Variants in CFAP221 observed in about 807,000 individuals in gnomAD.
The protein encoded by CFAP221 is cilia- and flagella-associated protein 221.
CFAP221 carries 97 observed loss-of-function variants against 113.1 expected under a neutral mutation model. The observed-to-expected ratio is 0.86, with a 90% CI of 0.73 to 1.02. The LOEUF is 1.02. Among genes scored for constraint, CFAP221 ranks in the 50% least tolerant of loss-of-function variants. The pLI is 0.00. For synonymous variants in CFAP221, 331 were observed against 354.4 expected, an observed-to-expected ratio of 0.93 and a Z score of 0.74; for missense variants, 1,025 against 1,013.4, an observed-to-expected ratio of 1.01 and a Z score of -0.16.
At chr2:119,659,648 CT>C (rs1688551952), downstream of CFAP221, among the ~76,000 whole-genome samples, 1 of 152,274 alleles carries the variant, frequency 6.6e-6, no homozygotes, top group Non-Finnish European at 1.5e-5. Context: ...ATGTGCTCCT[CT>C]GCATTCCTCC....
chr2:119,624,340 G>A (rs536905841), intron 14 of CFAP221, among the ~76,000 whole-genome samples: 2 of 152,340 alleles, frequency 1.3e-5, no homozygotes, highest in East Asian at 1.9e-4. Context: ...ACGCCAGTTA[G>A]AATGGCAATC....
intron 14 of CFAP221, among the ~76,000 whole-genome samples, chr2:119,618,848 C>T (rs778219899): frequency 1.1e-4 from 16 of 152,162 alleles, no homozygotes; most frequent in Non-Finnish European, 1.8e-4. Context: ...TTGAAATTCT[C>T]GCTGCCAGCA....
At chr2:119,557,518 G>T (rs982158065) in intron 3 of CFAP221, 2 of 152,222 alleles carry the variant, frequency 1.3e-5, no homozygotes, top group Admixed American at 6.5e-5. Flanking sequence ...GCACTCACCA[G>T]ATTGTCATAC....
intron 1 of CFAP221, 59 bp from the exon 2 acceptor site, chr2:119,546,026 A>G (rs1680027236): frequency 8.1e-6 from 10 of 1,235,114 alleles, no homozygotes; most frequent in Non-Finnish European, 9.8e-6. Flanking sequence ...TATCAAAGAA[A>G]GAGAAAAAAT....
rs1470011939 is a variant in CFAP221, at chr2:119,630,888, C to T, written c.1961C>T (p.Pro654Leu). The T allele has an allele frequency of 6.2e-7, 1 of 1,613,216 alleles. No homozygotes were observed. Among genetic ancestry groups the T allele is most frequent in the African/African-American group, 1.3e-5 (1 of 74,922 alleles). The change falls in exon 19 of 24, where the codon CCT becomes CTT. Residue 654 changes from proline to leucine, a missense_variant. By Grantham distance (98) the Pro-to-Leu change is moderately conservative. Transcript: ENST00000413369. ...EALAMSLDYD[P>L]LYVFNPNPGL... ...TTAGCCATGTCTCTAGATTATGATCCTCTGTATGTTTTTGTAAGTGACAAC... is the reference window on the plus strand; with the variant it reads ...TTAGCCATGTCTCTAGATTATGATCTTCTGTATGTTTTTGTAAGTGACAAC...
At chr2:119,583,140 G>A (rs1030663645) in intron 6 of CFAP221, among the ~76,000 whole-genome samples, 5 of 151,806 alleles carry the variant, frequency 3.3e-5, no homozygotes, top group East Asian at 3.9e-4. Context: ...AAATTTTAAC[G>A]AAAAGAAAAC....
intron 7 of CFAP221, among the ~76,000 whole-genome samples, chr2:119,598,476 C>G (rs1204975552): frequency 6.6e-6 from 1 of 152,166 alleles, no homozygotes; most frequent in Non-Finnish European, 1.5e-5. Flanking sequence ...TTTTCCTCTT[C>G]TCTTTGTCTC....
intron 23 of CFAP221, chr2:119,656,109 C>G: frequency 2.2e-6 from 1 of 455,278 alleles, no homozygotes; most frequent in Non-Finnish European, 4.0e-6. Flanking sequence ...CATCAGGAAA[C>G]AGGGGCTGTG....
At chr2:119,630,520 A>T in intron 17 of CFAP221, 50 bp from the exon 18 acceptor site, 1 of 1,428,758 alleles carries the variant, frequency 7.0e-7, no homozygotes, top group Non-Finnish European at 9.8e-7. Context: ...AGTAGATCCC[A>T]CCAAATGGTA....
At chr2:119,652,541 A>G (rs1039697263) in intron 23 of CFAP221, among the ~76,000 whole-genome samples, 1 of 152,242 alleles carries the variant, frequency 6.6e-6, no homozygotes, top group Admixed American at 6.5e-5. Context: ...CAGCCATGGA[A>G]GCACCTAACC....
Position 119,604,757 on chromosome 2 carries a change from C to T in CFAP221, c.877C>T (p.Arg293Ter), listed in dbSNP as rs752357355. 1.8e-5 allele frequency: 28 copies of T among 1,540,590 alleles called. No homozygotes were observed. The highest frequency in any genetic ancestry group is 5.1e-5 in the South Asian group (4 of 78,956). Residue 293 changes from arginine (R) to a stop codon, truncating the protein, a stop_gained, in exon 9 of 24, where the codon CGA becomes TGA. Coordinates refer to ENST00000413369, the MANE Select transcript of CFAP221 (RefSeq NM_001271049.2). LOFTEE classifies it high-confidence loss of function. The part of the protein sequence containing the change: ...EKAMMHINFH[R>*]PPAKPKPQKV... ...AGCAATGATGCATATAAATTTTCAC[C>T]GACCGCCAGCGAAGCCGAAGCCTCA... is the stretch of plus-strand genomic sequence containing the variant.
chr2:119,659,250 C>T (rs2104830811), downstream of CFAP221, among the ~76,000 whole-genome samples: 1 of 152,264 alleles, frequency 6.6e-6, no homozygotes, highest in East Asian at 1.9e-4. Flanking sequence ...GTATTGGTGT[C>T]CTTTTTACTT....
chr2:119,567,949 T>G (rs1681766224), intron 6 of CFAP221, among the ~76,000 whole-genome samples: 1 of 152,238 alleles, frequency 6.6e-6, no homozygotes, highest in Non-Finnish European at 1.5e-5. Flanking sequence ...TTATATTTCT[T>G]TGTTTCCTTT....
chr2:119,652,532 A>T (rs1007274783), intron 23 of CFAP221, among the ~76,000 whole-genome samples: 1 of 152,228 alleles, frequency 6.6e-6, no homozygotes. Context: ...ATGAGATGCC[A>T]GCCATGGAAG....
chr2:119,589,791 T>C (rs1006518057), intron 7 of CFAP221: 6 of 152,218 alleles, frequency 3.9e-5, no homozygotes, highest in Non-Finnish European at 7.3e-5. Context: ...CTGCTGTTGT[T>C]GGGGGCCAAG....
chr2:119,596,111 T>A (rs1181880586), intron 7 of CFAP221, among the ~76,000 whole-genome samples: 1 of 152,024 alleles, frequency 6.6e-6, no homozygotes, highest in Non-Finnish European at 1.5e-5. Flanking sequence ...GAGGGTGACA[T>A]GGCCTGATGC....
Position 119,647,011 on chromosome 2 carries a change from A to T in CFAP221, c.2279A>T (p.Asp760Val). 6.2e-7 allele frequency: 1 copy of T among 1,612,518 alleles called. No homozygotes were observed. Among genetic ancestry groups the T allele is most frequent in the African/African-American group, 1.3e-5 (1 of 74,574 alleles). ...CCGATAGACGTCCCTGCCATCCTTGATGCCTTACCAGAAGAGGACAGACTA... is the reference window on the plus strand; with the variant it reads ...CCGATAGACGTCCCTGCCATCCTTGTTGCCTTACCAGAAGAGGACAGACTA... ...MLPIDVPAIL[D>V]ALPEEDRLET... The change falls in exon 22 of 24, where the codon GAT becomes GTT. Residue 760 changes from aspartate to valine, a missense_variant. By Grantham distance (152) the Asp-to-Val change is radical (BLOSUM62 -3). Coordinates refer to ENST00000413369, the MANE Select transcript of CFAP221 (RefSeq NM_001271049.2).
At chr2:119,598,088 A>G (rs968585891) in intron 7 of CFAP221, among the ~76,000 whole-genome samples, 3 of 152,274 alleles carry the variant, frequency 2.0e-5, no homozygotes, top group Admixed American at 1.3e-4. Flanking sequence ...CTCTATGACA[A>G]TTTAGGGAGA....
rs556792314 is a variant in CFAP221, at chr2:119,572,538, G to A, written c.527+10424G>A. The A allele has an allele frequency of 5.3e-4, 371 of 701,324 alleles. 4 individuals are homozygous for A. The South Asian group carries it at 5.4e-3, about 10-fold the overall frequency. The allele number at this position is 701,324 out of a possible 1,614,324, so 43.4% of individuals were successfully genotyped here. A position where few individuals can be genotyped will look rare whatever the true frequency, so the allele number is the denominator to read the frequency against. On this transcript the variant is annotated intron_variant, in intron 6 of 23. Transcript: ENST00000413369. ...TCATGTTAATTCATCATGCTCTGTAGTTTACCCAACAGCGTCTTCCTGGTA... is the reference window on the plus strand; with the variant it reads ...TCATGTTAATTCATCATGCTCTGTAATTTACCCAACAGCGTCTTCCTGGTA...
Sources: gnomAD v4.1 joint callset for allele counts (sites outside exome capture counted in the v4.1 genomes callset) on GRCh38, gnomAD v4.1.1 for gene constraint, MANE v1.5 for transcripts, NCBI Gene and HGNC (gene_info 2026-07-23, HGNC 2026-07-21) for gene names.